ODAD2: variants seen among roughly 807,000 people sequenced by gnomAD.
ODAD2 encodes the protein outer dynein arm-docking complex subunit 2.
In ODAD2, 89 loss-of-function variants were observed where a neutral mutation model predicts 106.8. The ratio of observed to expected loss-of-function variants is 0.83; its 90% confidence interval spans 0.70 to 0.99. ODAD2 has a LOEUF of 0.99. Ranked by LOEUF, ODAD2 falls within the 50% of genes least tolerant of loss-of-function variation. The pLI, the probability that ODAD2 is intolerant of heterozygous loss-of-function variation, is 0.00. For synonymous variants in ODAD2, 404 were observed against 436.2 expected, an observed-to-expected ratio of 0.93 and a Z score of 0.92; for missense variants, 1,168 against 1,238.5, an observed-to-expected ratio of 0.94 and a Z score of 0.85.
intron 14 of ODAD2, among the ~76,000 whole-genome samples, chr10:27,939,309 G>A (rs1348713557): frequency 6.6e-6 from 1 of 152,154 alleles, no homozygotes; most frequent in Non-Finnish European, 1.5e-5. Flanking sequence ...GTGTCTTCTA[G>A]AAACAAATAG....
chr10:27,915,585 G>T (rs866998119), intron 16 of ODAD2, among the ~76,000 whole-genome samples: 3 of 152,238 alleles, frequency 2.0e-5, no homozygotes, highest in Middle Eastern at 6.8e-3. Flanking sequence ...ATATAGCACA[G>T]TAGGTATGGG....
rs1843713777 is a variant in ODAD2, at chr10:27,907,876, A to G, written c.2496-99T>C. On this transcript the variant is annotated intron_variant, in intron 16 of 19. Transcript: ENST00000305242. Reference sequence around the variant, plus strand: ...TTTAATTATTTTTTCTCCTTTTGATATTTTGCTTAGAATTTTTTTTTTTTT... The same window carrying G: ...TTTAATTATTTTTTCTCCTTTTGATGTTTTGCTTAGAATTTTTTTTTTTTT... 15 of 840,330 alleles carry G rather than the reference A, an allele frequency of 1.8e-5. No homozygotes were observed. The South Asian group carries it at 2.3e-4, about 13-fold the overall frequency. 52.1% of individuals were successfully genotyped at this position (840,330 alleles called of 1,614,324 possible).
chr10:27,933,921 C>T lies in ODAD2; in HGVS notation c.2495+1089G>A, dbSNP rs181508417. Among the ~76,000 whole-genome samples the T allele has an allele frequency of 3.3e-3, 502 of 152,176 alleles. 1 individual carries two copies. Among genetic ancestry groups the T allele is most frequent in the African/African-American group, 0.012 (487 of 41,518 alleles). The stretch of plus-strand genomic sequence containing the variant: ...TAAGATACGTGGTTAGACGAAGCCC[C>T]CTGATAGGATTTTGCTGTGTCCCCA... On this transcript the variant is annotated intron_variant, in intron 16 of 19. Transcript: ENST00000305242.
chr10:27,991,626 C>T (rs1850245509), intron 2 of ODAD2, among the ~76,000 whole-genome samples: 1 of 152,140 alleles, frequency 6.6e-6, no homozygotes, highest in South Asian at 2.1e-4. Flanking sequence ...AAAGGGGTAG[C>T]TTATCTACTT....
At chr10:27,948,315 C>G (rs1024119887) in intron 10 of ODAD2, among the ~76,000 whole-genome samples, 8 of 152,154 alleles carry the variant, frequency 5.3e-5, no homozygotes, top group Non-Finnish European at 8.8e-5. Flanking sequence ...TAGTTCTACT[C>G]TTGTCACTGA....
At chr10:27,828,717 A>T (rs1306271967) in intron 19 of ODAD2, among the ~76,000 whole-genome samples, 5 of 152,206 alleles carry the variant, frequency 3.3e-5, no homozygotes, top group Non-Finnish European at 7.3e-5. Context: ...TTTCCATGAA[A>T]TAATTTTGTT....
chr10:27,977,554 G>A (rs1849274396), intron 7 of ODAD2, among the ~76,000 whole-genome samples: 1 of 152,068 alleles, frequency 6.6e-6, no homozygotes, highest in Non-Finnish European at 1.5e-5. Context: ...CTGAGTGACA[G>A]AGGGAGACTC....
chr10:27,941,238 C>A (rs895524935), intron 12 of ODAD2, among the ~76,000 whole-genome samples: 1 of 151,792 alleles, frequency 6.6e-6, no homozygotes, highest in African/African-American at 2.4e-5. Context: ...AATCACAACA[C>A]TTTAGGAGCT....
intron 10 of ODAD2, among the ~76,000 whole-genome samples, chr10:27,949,860 C>T (rs928782348): frequency 3.3e-5 from 5 of 152,064 alleles, no homozygotes; most frequent in South Asian, 2.1e-4. Flanking sequence ...CATAAAGAAA[C>T]GTTTGAAAGG....
Position 27,981,530 on chromosome 10 carries a change from T to G in ODAD2, c.872A>C (p.Tyr291Ser), listed in dbSNP as rs1434761611. 1.3e-6 allele frequency: 2 copies of G among 1,539,794 alleles called. No individual in the cohort carries two copies. The highest frequency in any genetic ancestry group is 2.9e-5 in the African/African-American group (2 of 69,640). The change falls in exon 7 of 20, where the codon TAT becomes TCT. Residue 291 changes from tyrosine (Y) to serine (S), a missense_variant. This residue lies in a region of ODAD2 where 430 missense variants were observed against 452.2 expected (regional missense o/e 0.95). Coordinates refer to ENST00000305242, the MANE Select transcript of ODAD2 (RefSeq NM_018076.5). The stretch of plus-strand genomic sequence containing the variant: ...TCTTAAAAATGTGACAAGGTTTTTA[T>G]AAATTGAACCTTTTCTCTCATAATT... ...DVNYERKGSI[Y>S]KNLVTFLREK...
At chr10:27,865,225 C>T (rs566637672) in intron 17 of ODAD2, among the ~76,000 whole-genome samples, 8 of 152,284 alleles carry the variant, frequency 5.3e-5, no homozygotes, top group Admixed American at 4.6e-4. Context: ...TCTATGTGAG[C>T]TAATAATAAG....
At chr10:27,830,317 C>T (rs1280546584) in intron 19 of ODAD2, among the ~76,000 whole-genome samples, 1 of 152,160 alleles carries the variant, frequency 6.6e-6, no homozygotes, top group Non-Finnish European at 1.5e-5. Context: ...GCTCAATCTG[C>T]ACTTACTCTT....
chr10:27,956,782 T>G (rs1176764922), intron 10 of ODAD2, among the ~76,000 whole-genome samples: 2 of 152,232 alleles, frequency 1.3e-5, no homozygotes, highest in Admixed American at 6.5e-5. Context: ...ATCCACAAAT[T>G]CTTTTTCATT....
At chr10:27,930,048 C>T (rs11006774) in intron 16 of ODAD2, among the ~76,000 whole-genome samples, 57,058 of 151,672 alleles carry the variant, frequency 0.38, 12,091 homozygotes, top group Middle Eastern at 0.59. Context: ...CATATTTATA[C>T]ATTTTTCTAT....
At chr10:27,863,578 G>C (rs867241026) in intron 17 of ODAD2, among the ~76,000 whole-genome samples, 3 of 152,174 alleles carry the variant, frequency 2.0e-5, no homozygotes, top group Non-Finnish European at 2.9e-5. Flanking sequence ...CTTTTGCCAT[G>C]ATGTTGCCTA....
At chr10:27,965,682 T>C (rs572642688) in intron 9 of ODAD2, among the ~76,000 whole-genome samples, 1 of 152,298 alleles carries the variant, frequency 6.6e-6, no homozygotes, top group East Asian at 1.9e-4. Flanking sequence ...GGGTCCCCAG[T>C]AATCCATAAA....
At chr10:27,819,772 T>C (rs1836454160) in intron 19 of ODAD2, among the ~76,000 whole-genome samples, 1 of 150,480 alleles carries the variant, frequency 6.6e-6, no homozygotes, top group Non-Finnish European at 1.5e-5. Context: ...GGTTTGATAG[T>C]GATTTTTCTA....
At position 27,909,688 on chromosome 10, in the gene ODAD2, C is replaced by T. The variant is rs1413133305; in HGVS notation, c.2496-1911G>A. On this transcript the variant is annotated intron_variant, in intron 16 of 19. Transcript: ENST00000305242. ...CAAAAATTAGTCAGGCTTGGTGGCA[C>T]GCGCCTGTAGTCCCAGCTACTCAGG... is the stretch of plus-strand genomic sequence containing the variant. Among the ~76,000 whole-genome samples, 8 of 151,856 alleles carry T rather than the reference C, an allele frequency of 5.3e-5. No individual in the cohort carries two copies. The South Asian group carries it at 1.0e-3, about 20-fold the overall frequency.
At chr10:27,863,917 C>T (rs1840252340) in intron 17 of ODAD2, among the ~76,000 whole-genome samples, 1 of 151,918 alleles carries the variant, frequency 6.6e-6, no homozygotes, top group African/African-American at 2.4e-5. Flanking sequence ...AGGGTCTCAC[C>T]TTTAAGATCC....
Sources: gnomAD v4.1 joint callset for allele counts (sites outside exome capture counted in the v4.1 genomes callset) on GRCh38, gnomAD v4.1.1 for gene constraint, gnomAD v4.1.1 regional missense constraint, MANE v1.5 for transcripts, NCBI Gene and HGNC (gene_info 2026-07-23, HGNC 2026-07-21) for gene names.